EYA2: variants seen among roughly 807,000 people sequenced by gnomAD.
The protein encoded by EYA2 is EYA transcriptional coactivator and phosphatase 2.
A neutral mutation model predicts 69.2 loss-of-function variants in EYA2; 31 were observed. The ratio of observed to expected loss-of-function variants is 0.45; its 90% confidence interval spans 0.34 to 0.60. The LOEUF is 0.60. Ranked by LOEUF, EYA2 falls within the 20% of genes least tolerant of loss-of-function variation. The probability of loss-of-function intolerance (pLI) is 0.02; values close to 1 mark genes in which losing one functional copy is unlikely to be tolerated. For missense variants in EYA2, 622 were observed against 701.2 expected, an observed-to-expected ratio of 0.89 and a Z score of 1.28; for synonymous variants, 257 against 279.4, an observed-to-expected ratio of 0.92 and a Z score of 0.80.
At chr20:47,120,843 T>C (rs918084567) in intron 9 of EYA2, among the ~76,000 whole-genome samples, 2 of 152,180 alleles carry the variant, frequency 1.3e-5, no homozygotes, top group Admixed American at 6.6e-5. Context: ...GATAGGACTT[T>C]TTGTTAGTTC....
chr20:47,145,502 G>A (rs1297052755), intron 10 of EYA2, among the ~76,000 whole-genome samples: 1 of 152,170 alleles, frequency 6.6e-6, no homozygotes, highest in African/African-American at 2.4e-5. Flanking sequence ...TAAGTGCCTT[G>A]GACATCTCTG....
At chr20:47,071,416 C>T (rs1199321969) in intron 5 of EYA2, among the ~76,000 whole-genome samples, 2 of 152,162 alleles carry the variant, frequency 1.3e-5, no homozygotes, top group East Asian at 1.9e-4. Context: ...ATCTAGAACT[C>T]TCGTGAATTC....
chr20:47,043,777 C>T (rs1294340469), intron 5 of EYA2, among the ~76,000 whole-genome samples: 1 of 152,148 alleles, frequency 6.6e-6, no homozygotes, highest in Non-Finnish European at 1.5e-5. Flanking sequence ...CTTACCACAC[C>T]ATCATCATTA....
chr20:46,966,917 A>G (rs535211027), intron 1 of EYA2, among the ~76,000 whole-genome samples: 2 of 151,956 alleles, frequency 1.3e-5, no homozygotes, highest in Non-Finnish European at 1.5e-5. Context: ...CTAATGCATT[A>G]TTTTACTTTT....
intron 5 of EYA2, among the ~76,000 whole-genome samples, chr20:47,046,195 C>A (rs2030027462): frequency 6.6e-6 from 1 of 152,140 alleles, no homozygotes. Context: ...TCTGGGGCTT[C>A]TTTTATAAGG....
chr20:47,172,641 G>A, intron 11 of EYA2, 66 bp from the exon 12 acceptor site: 1 of 1,511,796 alleles, frequency 6.6e-7, no homozygotes. Context: ...AGAGCCTGTG[G>A]TCTCCCAGGG....
At chr20:47,145,434 A>C (rs2033680352) in intron 10 of EYA2, among the ~76,000 whole-genome samples, 1 of 152,168 alleles carries the variant, frequency 6.6e-6, no homozygotes, top group Admixed American at 6.5e-5. Context: ...AAAAGTATGG[A>C]GGTGGCCAGG....
chr20:47,068,367 G>C (rs1033692996), intron 5 of EYA2, among the ~76,000 whole-genome samples: 1 of 152,216 alleles, frequency 6.6e-6, no homozygotes, highest in African/African-American at 2.4e-5. Flanking sequence ...CATGAGACAG[G>C]CTTAAGGCCT....
chr20:46,971,613 T>C (rs6063049), intron 1 of EYA2, among the ~76,000 whole-genome samples: 125,719 of 152,216 alleles, frequency 0.83, 54,089 homozygotes, highest in Non-Finnish European at 0.95. Flanking sequence ...AGAAAGAATA[T>C]TGGGGATCAC....
intron 2 of EYA2, among the ~76,000 whole-genome samples, chr20:47,000,664 C>T (rs1391080635): frequency 6.6e-6 from 1 of 152,124 alleles, no homozygotes; most frequent in Non-Finnish European, 1.5e-5. Flanking sequence ...TCTCTCCCAG[C>T]TTAACTCTGT....
chr20:47,148,063 A>AAAAAAAG (rs1273310061), intron 10 of EYA2, among the ~76,000 whole-genome samples: 1 of 150,804 alleles, frequency 6.6e-6, no homozygotes, highest in Non-Finnish European at 1.5e-5. Flanking sequence ...TGTCTCAAAA[A>AAAAAAAG]AAAAAAAAAA....
chr20:47,043,540 G>A (rs1436254878), intron 5 of EYA2, among the ~76,000 whole-genome samples: 2 of 152,174 alleles, frequency 1.3e-5, no homozygotes, highest in South Asian at 2.1e-4. Context: ...TCTTCAGAAG[G>A]TGGTGTTTAT....
At chr20:47,044,810 A>G (rs2029948133) in intron 5 of EYA2, among the ~76,000 whole-genome samples, 3 of 152,224 alleles carry the variant, frequency 2.0e-5, no homozygotes, top group African/African-American at 7.2e-5. Flanking sequence ...TCAAGGTCAT[A>G]CAATCGGAGA....
intron 10 of EYA2, chr20:47,161,539 T>C: frequency 2.5e-6 from 1 of 402,844 alleles, no homozygotes; most frequent in South Asian, 1.9e-5. Context: ...AGCTTGGGGA[T>C]AGACGTCCAC....
chr20:47,067,632 A>T (rs1046658075), intron 5 of EYA2, among the ~76,000 whole-genome samples: 1 of 152,150 alleles, frequency 6.6e-6, no homozygotes, highest in Non-Finnish European at 1.5e-5. Flanking sequence ...AATGTAACGA[A>T]CCAAATTGTA....
chr20:47,025,927 T>C (rs1292912719), intron 5 of EYA2, among the ~76,000 whole-genome samples: 1 of 152,210 alleles, frequency 6.6e-6, no homozygotes, highest in Non-Finnish European at 1.5e-5. Context: ...ACAAGTGAGG[T>C]TGAGCATCTT....
chr20:46,960,240 G>T (rs927626387), intron 1 of EYA2, among the ~76,000 whole-genome samples: 3 of 152,102 alleles, frequency 2.0e-5, no homozygotes, highest in Admixed American at 6.6e-5. Context: ...GATGGACACG[G>T]ACACTATTAT....
chr20:46,922,804 C>T (rs1291471363), intron 1 of EYA2, among the ~76,000 whole-genome samples: 2 of 151,964 alleles, frequency 1.3e-5, no homozygotes, highest in East Asian at 1.9e-4. Context: ...GATCTCTTCA[C>T]GATGGCTTAT....
chr20:46,939,983 A>T (rs949892330), intron 1 of EYA2, among the ~76,000 whole-genome samples: 5 of 152,226 alleles, frequency 3.3e-5, no homozygotes, highest in Non-Finnish European at 5.9e-5. Context: ...GCATATAGTA[A>T]GTGCTCAATA....
Sources: gnomAD v4.1 joint callset for allele counts (sites outside exome capture counted in the v4.1 genomes callset) on GRCh38, gnomAD v4.1.1 for gene constraint, MANE v1.5 for transcripts, NCBI Gene and HGNC (gene_info 2026-07-23, HGNC 2026-07-21) for gene names.